Variants in RAB3B observed in about 807,000 individuals in gnomAD.
RAB3B encodes ras-related protein Rab-3B.
RAB3B carries 11 observed loss-of-function variants against 20.5 expected under a neutral mutation model. That is an observed-to-expected ratio of 0.54 (90% confidence interval 0.34 to 0.89). The LOEUF (loss-of-function observed/expected upper bound fraction) is 0.89, where lower values mean the gene tolerates loss of function less well. RAB3B is among the 40% of genes least tolerant of loss of function. The pLI is 0.02. For synonymous variants in RAB3B, 99 were observed against 106.3 expected (o/e 0.93, Z 0.42); for missense variants, 225 against 280.9 (o/e 0.80, Z 1.42).
At chr1:51,968,288 A>C (rs914943836) in intron 2 of RAB3B, among the ~76,000 whole-genome samples, 1 of 152,248 alleles carries the variant, frequency 6.6e-6, no homozygotes, top group African/African-American at 2.4e-5. Flanking sequence ...CTAAGTTTGT[A>C]GTAATTTTAG....
At chr1:51,966,081 G>A (rs575044738) in intron 2 of RAB3B, among the ~76,000 whole-genome samples, 3 of 152,344 alleles carry the variant, frequency 2.0e-5, no homozygotes, top group East Asian at 1.9e-4. Context: ...GCCCCTAAGA[G>A]GCAGGGATGT....
chr1:51,948,324 C>A (rs1345270120), intron 2 of RAB3B, among the ~76,000 whole-genome samples: 1 of 152,194 alleles, frequency 6.6e-6, no homozygotes, highest in African/African-American at 2.4e-5. Context: ...GGGGCCTTGA[C>A]TATTAGCAGA....
At position 51,912,954 on chromosome 1, in the gene RAB3B, C is replaced by T. The variant is rs1197116332; in HGVS notation, c.*6973G>A. 3 of 151,870 alleles carry T rather than the reference C, an allele frequency of 2.0e-5. No individual in the cohort carries two copies. Among genetic ancestry groups the T allele is most frequent in the African/African-American group, 7.3e-5 (3 of 41,342 alleles). 9.4% of individuals were successfully genotyped at this position (151,870 alleles called of 1,614,324 possible). A position where few individuals can be genotyped will look rare whatever the true frequency, so the allele number is the denominator to read the frequency against. ...AAAATGTCCAGTAGGCACTTAGATA[C>T]ACGTTATTATCAAAGACTTGGCATC... On this transcript the variant is annotated 3_prime_UTR_variant, in exon 5 of 5. Coordinates refer to ENST00000371655, the MANE Select transcript of RAB3B (RefSeq NM_002867.4).
In RAB3B at chr1:51,967,321, AAATT is replaced by A. The variant is rs575473593; in HGVS notation, c.228+9565_228+9568del. ...AAAGCAAAACTCCACCTCAAAAAAT[AAATT>A]AATTAATTAAATTAAATAAAATGAG... is the stretch of plus-strand genomic sequence containing the variant. On this transcript the variant is annotated intron_variant, in intron 2 of 4. Transcript: ENST00000371655. 2.2e-3 allele frequency among the ~76,000 whole-genome samples: 340 copies of A among 151,932 alleles called. 1 individual carries two copies. Among genetic ancestry groups the A allele is most frequent in the African/African-American group, 8.0e-3 (331 of 41,464 alleles).
Position 51,914,631 on chromosome 1 carries a change from A to C in RAB3B, c.*5296T>G, listed in dbSNP as rs1684055991. The C allele has an allele frequency of 6.6e-6, 1 of 152,178 alleles. No individual in the cohort carries two copies. The highest frequency in any genetic ancestry group is 2.1e-4 in the South Asian group (1 of 4,826). The allele number at this position is 152,178 out of a possible 1,614,324, so 9.4% of individuals were successfully genotyped here. A position where few individuals can be genotyped will look rare whatever the true frequency, so the allele number is the denominator to read the frequency against. ...TAATGGATCAGGACCTTAAAAAACC[A>C]TCATTTAACAGTATTTATATCTCAC... On this transcript the variant is annotated 3_prime_UTR_variant, in exon 5 of 5. Coordinates refer to ENST00000371655, the MANE Select transcript of RAB3B (RefSeq NM_002867.4).
chr1:51,974,871 C>T (rs759937534), intron 2 of RAB3B, among the ~76,000 whole-genome samples: 17 of 152,214 alleles, frequency 1.1e-4, no homozygotes, highest in Non-Finnish European at 1.9e-4. Flanking sequence ...AAGATATATG[C>T]ATAATGTATT....
At chr1:51,984,700 C>A (rs958546696) in intron 1 of RAB3B, among the ~76,000 whole-genome samples, 15 of 152,126 alleles carry the variant, frequency 9.9e-5, no homozygotes, top group African/African-American at 3.4e-4. Context: ...GTGAACATTT[C>A]TTTACATAAA....
chr1:51,931,754 G>A (rs754182887), intron 4 of RAB3B, among the ~76,000 whole-genome samples: 23 of 152,074 alleles, frequency 1.5e-4, no homozygotes, highest in Non-Finnish European at 2.5e-4. Flanking sequence ...AGGGGGCTGG[G>A]AAAGGTTTCA....
rs1461213314 is a variant in RAB3B at position 51,912,699 on chromosome 1, AC to A, written c.*7227del. 1 of 150,530 alleles carries A rather than the reference AC, an allele frequency of 6.6e-6. No homozygotes were observed. Among genetic ancestry groups the A allele is most frequent in the African/African-American group, 2.4e-5 (1 of 40,862 alleles). The allele number at this position is 150,530 out of a possible 1,614,324, so 9.3% of individuals were successfully genotyped here. ...CTGTGGTAGCTCTCTAGGGCAGAAA[AC>A]AATGGTGGCCTGGACCAAGGTCATG... On this transcript the variant is annotated 3_prime_UTR_variant, in exon 5 of 5. Coordinates refer to ENST00000371655, the MANE Select transcript of RAB3B (RefSeq NM_002867.4).
At chr1:51,979,534 G>C (rs770674182) in intron 1 of RAB3B, among the ~76,000 whole-genome samples, 2 of 151,696 alleles carry the variant, frequency 1.3e-5, no homozygotes, top group Non-Finnish European at 2.9e-5. Context: ...GCCTCCCAAA[G>C]TGCTAGGATT....
At chr1:51,949,851 A>G (rs1684614167) in intron 2 of RAB3B, among the ~76,000 whole-genome samples, 1 of 152,220 alleles carries the variant, frequency 6.6e-6, no homozygotes, top group Non-Finnish European at 1.5e-5. Flanking sequence ...AGGGGGCCAC[A>G]GTGCCACAGC....
At chr1:51,970,263 C>G (rs946827294) in intron 2 of RAB3B, among the ~76,000 whole-genome samples, 3 of 152,206 alleles carry the variant, frequency 2.0e-5, no homozygotes, top group Non-Finnish European at 2.9e-5. Context: ...CCCACAAGGT[C>G]TCCAGGGGTT....
At chr1:51,979,809 C>T (rs1356744152) in intron 1 of RAB3B, among the ~76,000 whole-genome samples, 2 of 151,872 alleles carry the variant, frequency 1.3e-5, no homozygotes, top group South Asian at 2.1e-4. Context: ...TTTGGGAGGC[C>T]GAGGCAGGCA....
At chr1:51,976,556 G>C (rs1167137206) in intron 2 of RAB3B, among the ~76,000 whole-genome samples, 2 of 152,162 alleles carry the variant, frequency 1.3e-5, no homozygotes, top group East Asian at 3.8e-4. Flanking sequence ...CCCCAGAGAA[G>C]TTAAGCAATT....
intron 1 of RAB3B, among the ~76,000 whole-genome samples, chr1:51,989,041 C>T (rs1259046199): frequency 6.7e-6 from 1 of 149,396 alleles, no homozygotes; most frequent in Non-Finnish European, 1.5e-5. Flanking sequence ...GGGCCTTTCA[C>T]GGCTTCCATT....
rs541993089 is a variant in RAB3B at position 51,910,229 on chromosome 1, A to G, written c.*9698T>C. ...CAGGGGTTGGAAGATAGTTTACTACATGAAATCCTTTAGTTTCCAGGCTTT... is the reference window on the plus strand; with the variant it reads ...CAGGGGTTGGAAGATAGTTTACTACGTGAAATCCTTTAGTTTCCAGGCTTT... On this transcript the variant is annotated 3_prime_UTR_variant, in exon 5 of 5. Transcript: ENST00000371655. 1 of 152,280 alleles carries G rather than the reference A, an allele frequency of 6.6e-6. No homozygotes were observed. Among genetic ancestry groups the G allele is most frequent in the South Asian group, 2.1e-4 (1 of 4,824 alleles). 9.4% of individuals were successfully genotyped at this position (152,280 alleles called of 1,614,324 possible).
At chr1:51,980,429 C>CAA (rs374673437) in intron 1 of RAB3B, 3,692 of 378,996 alleles carry the variant, frequency 9.7e-3, no homozygotes, top group East Asian at 0.019. Flanking sequence ...CTGTCTCTAC[C>CAA]AAAAAAAAAA....
chr1:51,944,891 G>A (rs1269859357), intron 2 of RAB3B, among the ~76,000 whole-genome samples: 1 of 152,220 alleles, frequency 6.6e-6, no homozygotes, highest in East Asian at 1.9e-4. Context: ...CAAGGTTTGA[G>A]AGGACTGACT....
At chr1:51,989,611 C>T (rs1301251071) in intron 1 of RAB3B, among the ~76,000 whole-genome samples, 1 of 151,840 alleles carries the variant, frequency 6.6e-6, no homozygotes, top group Admixed American at 6.6e-5. Context: ...CACGATTCCT[C>T]CACTTGCAGC....
Sources: allele counts gnomAD v4.1 joint callset (sites outside exome capture counted in the v4.1 genomes callset), GRCh38; gene constraint gnomAD v4.1.1; transcripts MANE v1.5; gene names NCBI Gene and HGNC (gene_info 2026-07-23, HGNC 2026-07-21).